The following WDR33 variants were observed in gnomAD, a reference collection of about 807,000 sequenced individuals.
WDR33 encodes pre-mRNA 3' end processing protein WDR33.
In WDR33, 47 loss-of-function variants were observed where a neutral mutation model predicts 164.9. The observed-to-expected ratio is 0.29, with a 90% confidence interval of 0.23 to 0.36. WDR33 has a LOEUF of 0.36. WDR33 is among the 10% of genes least tolerant of loss of function. The probability of loss-of-function intolerance (pLI) is 1.00; values close to 1 mark genes in which losing one functional copy is unlikely to be tolerated. For synonymous variants in WDR33, 505 were observed against 589.0 expected (o/e 0.86, Z 2.06); for missense variants, 1,137 against 1,754.1 (o/e 0.65, Z 6.28).
chr2:127,774,298 C>T (rs575949962), intron 1 of WDR33, among the ~76,000 whole-genome samples: 61 of 150,154 alleles, frequency 4.1e-4, no homozygotes, highest in Middle Eastern at 3.6e-3. Context: ...ATGATCCGCC[C>T]GCCTCAGTTT....
At chr2:127,707,237 AAAAAAAAAG>A (rs1048392655) in intron 21 of WDR33, among the ~76,000 whole-genome samples, 19 of 151,646 alleles carry the variant, frequency 1.3e-4, no homozygotes, top group East Asian at 1.9e-4. Context: ...TTTAAAAAAA[AAAAAAAAAG>A]AAAAAAAAGA....
chr2:127,747,678 C>T (rs1465038550), intron 7 of WDR33, among the ~76,000 whole-genome samples: 3 of 152,114 alleles, frequency 2.0e-5, no homozygotes, highest in Non-Finnish European at 4.4e-5. Context: ...GTTAACATGC[C>T]ACCAAATTCT....
chr2:127,750,635 A>G (rs1450653621), intron 7 of WDR33, among the ~76,000 whole-genome samples: 2 of 124,018 alleles, frequency 1.6e-5, no homozygotes, highest in Non-Finnish European at 3.4e-5. Flanking sequence ...GGGCAACAAG[A>G]GTGAAACTCC....
In WDR33 at chr2:127,741,297, C is replaced by T. The variant is rs1687007263; in HGVS notation, c.725-14520G>A. Among the ~76,000 whole-genome samples, 1 of 151,700 alleles carries T rather than the reference C, an allele frequency of 6.6e-6. No individual in the cohort carries two copies. The highest frequency in any genetic ancestry group is 1.5e-5 in the Non-Finnish European group (1 of 67,960). On this transcript the variant is annotated intron_variant, in intron 7 of 21. Coordinates refer to ENST00000322313, the MANE Select transcript of WDR33 (RefSeq NM_018383.5). The surrounding 1 kb of genome is among the most constrained non-coding windows in gnomAD (Gnocchi z 4.1). The stretch of plus-strand genomic sequence containing the variant: ...ACTGAAAATGGAAAGAAGTGGAGGG[C>T]AAAGAGAGAATGGGAGAGGAGGAGA...
chr2:127,779,266 G>A (rs1038493919), intron 1 of WDR33, among the ~76,000 whole-genome samples: 4 of 151,868 alleles, frequency 2.6e-5, no homozygotes, highest in African/African-American at 2.4e-5. Context: ...TCAGGAGTTC[G>A]AGACGAGCCT....
chr2:127,788,516 G>A (rs1415860396), intron 1 of WDR33, among the ~76,000 whole-genome samples: 5 of 99,258 alleles, frequency 5.0e-5, no homozygotes, highest in African/African-American at 1.4e-4. Context: ...CTGGCCGGGT[G>A]GGGGGGCTGA....
At chr2:127,731,308 A>C (rs800862) in intron 7 of WDR33, among the ~76,000 whole-genome samples, 330 of 151,586 alleles carry the variant, frequency 2.2e-3, no homozygotes, top group African/African-American at 7.7e-3. Context: ...AAAAAAAAAA[A>C]AAAAAAAAAA....
chr2:127,801,104 GA>G (rs36096560), intron 1 of WDR33, among the ~76,000 whole-genome samples: 194 of 137,288 alleles, frequency 1.4e-3, no homozygotes, highest in African/African-American at 3.1e-3. Context: ...CTGTCTCTAG[GA>G]AAAAAAAAAA....
In WDR33 at chr2:127,701,378, C is replaced by A. The variant is rs13427745; in HGVS notation, c.*4945G>T. On this transcript the variant is annotated 3_prime_UTR_variant, in exon 22 of 22. Transcript: ENST00000322313. Reference sequence around the variant, plus strand: ...CGGTACTTGGGGACACCACAAAAGTCCGCAGAGCAGGCACCGCGGCACTTC... The same window carrying A: ...CGGTACTTGGGGACACCACAAAAGTACGCAGAGCAGGCACCGCGGCACTTC... 2 of 725,842 alleles carry A rather than the reference C, an allele frequency of 2.8e-6. No individual in the cohort carries two copies. Among genetic ancestry groups the A allele is most frequent in the Non-Finnish European group, 3.8e-6 (2 of 530,486 alleles). The allele number at this position is 725,842 out of a possible 1,614,324, so 45.0% of individuals were successfully genotyped here.
rs948897994 is a variant in WDR33 at position 127,712,624 on chromosome 2, T to C, written c.3308+959A>G. ...TCACAAATTCTTTAAATAAAATGAG[T>C]TAATTTCCTAAATTAAAACAAATTC... On this transcript the variant is annotated intron_variant, in intron 18 of 21. Transcript: ENST00000322313. This position sits in a 1 kb window ranked among gnomAD's most constrained non-coding sequence, Gnocchi z 4.0. Among the ~76,000 whole-genome samples, 3 of 152,202 alleles carry C rather than the reference T, an allele frequency of 2.0e-5. No individual in the cohort carries two copies. The highest frequency in any genetic ancestry group is 7.2e-5 in the African/African-American group (3 of 41,462).
Position 127,717,436 on chromosome 2 carries a change from T to C in WDR33, c.2761-173A>G, listed in dbSNP as rs1686328881. ...GGAGATACTTCTTTTACTATAATAATTTTTTTAAAGCACCTGTATTTTAAA... is the reference window on the plus strand; with the variant it reads ...GGAGATACTTCTTTTACTATAATAACTTTTTTAAAGCACCTGTATTTTAAA... On this transcript the variant is annotated intron_variant, in intron 16 of 21. Transcript: ENST00000322313. This position sits in a 1 kb window ranked among gnomAD's most constrained non-coding sequence, Gnocchi z 5.6. Among the ~76,000 whole-genome samples, 1 of 152,192 alleles carries C rather than the reference T, an allele frequency of 6.6e-6. No individual in the cohort carries two copies. The highest frequency in any genetic ancestry group is 6.5e-5 in the Admixed American group (1 of 15,276).
rs755201959 is a variant in WDR33, at chr2:127,720,152, G to C, written c.1873C>G (p.Gln625Glu). ...AQMGPPGPQG[Q>E]FRPPGPQGQM... The stretch of plus-strand genomic sequence containing the variant: ...CCCTGGGGTCCAGGAGGCCTAAACT[G>C]TCCCTGTGGACCTGGAGGCCCCATT... The change falls in exon 16 of 22, where the codon CAG becomes GAG. Residue 625 changes from glutamine (Q) to glutamate (E), a missense_variant. Coordinates refer to ENST00000322313, the MANE Select transcript of WDR33 (RefSeq NM_018383.5). The surrounding 1 kb of genome is among the most constrained non-coding windows in gnomAD (Gnocchi z 5.9). 2.4e-5 allele frequency: 38 copies of C among 1,613,914 alleles called. 1 individual carries two copies. The South Asian group carries it at 4.1e-4, about 17-fold the overall frequency.
At chr2:127,755,538 T>C (rs1687493883) in intron 7 of WDR33, among the ~76,000 whole-genome samples, 1 of 152,212 alleles carries the variant, frequency 6.6e-6, no homozygotes, top group Non-Finnish European at 1.5e-5. Context: ...TTAGCATGAT[T>C]TATTCCAGAC....
At chr2:127,745,337 G>T (rs944540705) in intron 7 of WDR33, among the ~76,000 whole-genome samples, 8 of 152,140 alleles carry the variant, frequency 5.3e-5, no homozygotes, top group Non-Finnish European at 1.2e-4. Flanking sequence ...TGCTCTTTGG[G>T]ACCAGTGTGA....
At chr2:127,750,677 AATATATATATATATATATATATAT>A (rs1161071581) in intron 7 of WDR33, among the ~76,000 whole-genome samples, 4 of 35,794 alleles carry the variant, frequency 1.1e-4, no homozygotes, top group Admixed American at 4.6e-4. Context: ...AAAAAAAAAA[AATATATATATATATATATATATAT>A]ATATATATAT....
At chr2:127,747,847 G>C (rs1015441814) in intron 7 of WDR33, among the ~76,000 whole-genome samples, 2 of 152,144 alleles carry the variant, frequency 1.3e-5, no homozygotes, top group African/African-American at 2.4e-5. Context: ...CCTGACCTCT[G>C]AGAACTAATC....
intron 7 of WDR33, chr2:127,737,348 G>C (rs1686875789): frequency 1.0e-6 from 1 of 985,344 alleles, no homozygotes; most frequent in Non-Finnish European, 1.2e-6. Flanking sequence ...AGTACTCTGA[G>C]GTGTGTGTGT....
intron 1 of WDR33, among the ~76,000 whole-genome samples, chr2:127,776,734 T>C (rs550660089): frequency 9.9e-5 from 15 of 152,214 alleles, no homozygotes; most frequent in African/African-American, 2.6e-4. Context: ...AATGATACAA[T>C]AGCTTTCTCT....
chr2:127,758,984 G>T (rs1206078739), intron 7 of WDR33, among the ~76,000 whole-genome samples: 2 of 152,084 alleles, frequency 1.3e-5, no homozygotes, highest in African/African-American at 4.8e-5. Context: ...ATAACCTATA[G>T]GCTCATTTAG....
Sources: gnomAD v4.1 joint callset for allele counts (sites outside exome capture counted in the v4.1 genomes callset) on GRCh38, gnomAD v4.1.1 for gene constraint, Gnocchi (gnomAD v3.1) non-coding constraint, MANE v1.5 for transcripts, NCBI Gene and HGNC (gene_info 2026-07-23, HGNC 2026-07-21) for gene names.